Variants in CSMD1 observed in about 807,000 individuals in gnomAD.
The protein encoded by CSMD1 is CUB and sushi domain-containing protein 1.
In CSMD1, 213 loss-of-function variants were observed where a neutral mutation model predicts 417.5. The observed-to-expected ratio is 0.51, with a 90% CI of 0.46 to 0.57. CSMD1 has a LOEUF of 0.57. CSMD1 is among the 20% of genes least tolerant of loss of function. CSMD1 has a pLI of 0.00. For synonymous variants in CSMD1, 2,862 were observed against 1,736.8 expected (o/e 1.65, Z -16.11); for missense variants, 6,923 against 4,529.7 (o/e 1.53, Z -15.17).
chr8:3,200,531 G>C (rs929427087), intron 32 of CSMD1, among the ~76,000 whole-genome samples: 1 of 151,002 alleles, frequency 6.6e-6, no homozygotes, highest in East Asian at 2.0e-4. Flanking sequence ...CTCTAGCCTG[G>C]GCAAGAGAGT....
At chr8:4,701,461 A>C (rs1251626546) in intron 1 of CSMD1, among the ~76,000 whole-genome samples, 1 of 151,918 alleles carries the variant, frequency 6.6e-6, no homozygotes, top group Non-Finnish European at 1.5e-5. Context: ...GGGGCCATGC[A>C]CAGTACTCCT....
At chr8:3,550,655 T>C (rs1270530266) in intron 10 of CSMD1, among the ~76,000 whole-genome samples, 2 of 152,334 alleles carry the variant, frequency 1.3e-5, no homozygotes, top group East Asian at 3.9e-4. Flanking sequence ...TCTTACTGGT[T>C]TGCTTTCCTT....
chr8:3,343,639 AT>A (rs1563292053), intron 22 of CSMD1, among the ~76,000 whole-genome samples, 189 bp from the exon 23 acceptor site: 1 of 152,216 alleles, frequency 6.6e-6, no homozygotes, highest in Non-Finnish European at 1.5e-5. Flanking sequence ...TATCTTTACC[AT>A]TAACACTGGA....
intron 1 of CSMD1, among the ~76,000 whole-genome samples, chr8:4,650,189 C>T (rs1210593814): frequency 6.6e-6 from 1 of 151,438 alleles, no homozygotes. Flanking sequence ...AATAAAAATC[C>T]AAAAAATTAG....
chr8:3,245,897 G>C (rs1281202093), intron 26 of CSMD1, among the ~76,000 whole-genome samples: 1 of 152,182 alleles, frequency 6.6e-6, no homozygotes, highest in Non-Finnish European at 1.5e-5. Context: ...CAGATTGCCA[G>C]TGACATGAAT....
intron 5 of CSMD1, among the ~76,000 whole-genome samples, chr8:3,971,168 T>G (rs181379220): frequency 6.6e-6 from 1 of 152,142 alleles, no homozygotes; most frequent in African/African-American, 2.4e-5. Flanking sequence ...CCTCCTGGCA[T>G]GATGGAGGGA....
At chr8:3,911,546 AAAG>A (rs1554483249) in intron 5 of CSMD1, among the ~76,000 whole-genome samples, 14 of 151,634 alleles carry the variant, frequency 9.2e-5, no homozygotes, top group African/African-American at 2.2e-4. Context: ...AAAAAAAAAA[AAAG>A]AAGAAGAAGA....
chr8:3,434,089 C>T (rs1814398144), intron 12 of CSMD1, among the ~76,000 whole-genome samples: 1 of 152,210 alleles, frequency 6.6e-6, no homozygotes, highest in Non-Finnish European at 1.5e-5. Context: ...TTAGTAGCAT[C>T]TGATGCTTTC....
intron 2 of CSMD1, among the ~76,000 whole-genome samples, chr8:4,628,427 T>TAC (rs1441723349): frequency 1.3e-5 from 1 of 74,110 alleles, no homozygotes; most frequent in Non-Finnish European, 3.1e-5. Flanking sequence ...TACATATATA[T>TAC]ACACATATAC....
intron 27 of CSMD1, among the ~76,000 whole-genome samples, chr8:3,225,577 C>A (rs1798454313): frequency 6.6e-6 from 1 of 152,094 alleles, no homozygotes; most frequent in African/African-American, 2.4e-5. Flanking sequence ...GATTCTACTG[C>A]ACACAGGTTT....
At chr8:4,834,785 T>A (rs1800361701) in intron 1 of CSMD1, among the ~76,000 whole-genome samples, 1 of 149,864 alleles carries the variant, frequency 6.7e-6, no homozygotes, top group South Asian at 2.1e-4. Context: ...TGAAACCCCG[T>A]CTCTACTAAA....
chr8:4,761,377 TG>T (rs1812031944), intron 1 of CSMD1, among the ~76,000 whole-genome samples: 1 of 151,988 alleles, frequency 6.6e-6, no homozygotes, highest in Admixed American at 6.6e-5. Flanking sequence ...ACTTGGTGTG[TG>T]TGTGTGTATA....
At position 4,220,506 on chromosome 8, in the gene CSMD1, TA is replaced by T. The variant is rs538343508; in HGVS notation, c.416-188408del. Among the ~76,000 whole-genome samples the T allele has an allele frequency of 9.7e-3, 1,476 of 152,320 alleles. 17 individuals are homozygous for T. The highest frequency in any genetic ancestry group is 0.034 in the African/African-American group (1,427 of 41,568). On this transcript the variant is annotated intron_variant, in intron 3 of 69. Transcript: ENST00000635120. ...AACATCACTTTGTGTAAGAAATATC[TA>T]ATCCTAGTGCAAGAGTGGAAACATG...
rs1461989738 is a variant in CSMD1 at position 4,130,126 on chromosome 8, AG to A, written c.416-98028del. On this transcript the variant is annotated intron_variant, in intron 3 of 69. Coordinates refer to ENST00000635120, the MANE Select transcript of CSMD1 (RefSeq NM_033225.6). ...GCTCCATCACCATGGAGTCACTGTC[AG>A]TAAATCAAGCTTGCTTATTTTACTG... 3.9e-5 allele frequency among the ~76,000 whole-genome samples: 6 copies of A among 152,288 alleles called. No individual in the cohort carries two copies. The South Asian group carries it at 6.2e-4, about 16-fold the overall frequency.
intron 31 of CSMD1, 59 bp downstream of exon 31, chr8:3,205,445 G>T (rs1370114787): frequency 2.3e-6 from 2 of 883,994 alleles, no homozygotes; most frequent in African/African-American, 1.7e-5. Flanking sequence ...TCAAATGACA[G>T]AAAAATTAAC....
chr8:4,176,911 A>G (rs1264926075), intron 3 of CSMD1, among the ~76,000 whole-genome samples: 1 of 149,732 alleles, frequency 6.7e-6, no homozygotes, highest in Non-Finnish European at 1.5e-5. Context: ...CCAATACAGG[A>G]GCACCCAGAT....
chr8:4,270,239 T>C (rs549264577), intron 3 of CSMD1, among the ~76,000 whole-genome samples: 1 of 152,320 alleles, frequency 6.6e-6, no homozygotes, highest in South Asian at 2.1e-4. Context: ...CATTTCTTTC[T>C]CATGTCTCTT....
intron 3 of CSMD1, among the ~76,000 whole-genome samples, chr8:4,061,172 C>T (rs765917043): frequency 9.2e-5 from 14 of 152,138 alleles, no homozygotes; most frequent in Non-Finnish European, 1.9e-4. Context: ...GATGGAAAAT[C>T]CCTCAGCTGC....
At chr8:4,898,520 A>G (rs952825890) in intron 1 of CSMD1, among the ~76,000 whole-genome samples, 1 of 152,220 alleles carries the variant, frequency 6.6e-6, no homozygotes, top group African/African-American at 2.4e-5. Context: ...GAAGGACAAT[A>G]AAACAGGTCT....
Sources: gnomAD v4.1 joint callset for allele counts (sites outside exome capture counted in the v4.1 genomes callset) on GRCh38, gnomAD v4.1.1 for gene constraint, MANE v1.5 for transcripts, NCBI Gene and HGNC (gene_info 2026-07-23, HGNC 2026-07-21) for gene names.